LINS1: variants seen among roughly 807,000 people sequenced by gnomAD.
The protein encoded by LINS1 is lines homolog 1.
Under a neutral mutation model 41.6 loss-of-function variants are expected in LINS1, and 27 were observed. The observed-to-expected ratio is 0.65, with a 90% CI of 0.48 to 0.89. The LOEUF is 0.89. LINS1 is among the 40% of genes least tolerant of loss of function. LINS1 has a pLI of 0.00. For missense variants in LINS1, 955 were observed against 884.1 expected (o/e 1.08, Z -1.02); for synonymous variants, 336 against 312.9 (o/e 1.07, Z -0.78).
chr15:100,589,282 C>T (rs1394657779), intron 1 of LINS1, among the ~76,000 whole-genome samples: 1 of 152,158 alleles, frequency 6.6e-6, no homozygotes, highest in East Asian at 1.9e-4. Flanking sequence ...CAGAAATAAC[C>T]AAATTTCCTT....
Position 100,568,427 on chromosome 15 carries a change from G to A in LINS1, c.*811C>T, listed in dbSNP as rs2037631769. ...AGTCCAATGACCGATGTCCTTGTAG[G>A]AGGGAAACTGGACACAGACACAGGA... On this transcript the variant is annotated 3_prime_UTR_variant, in exon 7 of 7. Transcript: ENST00000314742. 6.6e-6 allele frequency: 1 copy of A among 152,242 alleles called. No individual in the cohort carries two copies. Among genetic ancestry groups the A allele is most frequent in the Admixed American group, 6.5e-5 (1 of 15,272 alleles). 9.4% of individuals were successfully genotyped at this position (152,242 alleles called of 1,614,324 possible).
chr15:100,585,127 G>A (rs1033642593), intron 1 of LINS1, among the ~76,000 whole-genome samples: 1 of 152,214 alleles, frequency 6.6e-6, no homozygotes, highest in African/African-American at 2.4e-5. Context: ...CTCACAGTAA[G>A]CCATCGCCTC....
chr15:100,591,719 A>G (rs1302231266), intron 1 of LINS1, among the ~76,000 whole-genome samples: 3 of 152,178 alleles, frequency 2.0e-5, no homozygotes, highest in Non-Finnish European at 4.4e-5. Context: ...GAAACCATCA[A>G]GCTTCAGATG....
chr15:100,590,237 A>T (rs749889968), intron 1 of LINS1, among the ~76,000 whole-genome samples: 2 of 152,238 alleles, frequency 1.3e-5, no homozygotes, highest in Non-Finnish European at 2.9e-5. Context: ...AGAACAATAG[A>T]AATGAAAAGG....
In LINS1 at chr15:100,568,605, T is replaced by A. The variant is rs11637225; in HGVS notation, c.*633A>T. On this transcript the variant is annotated 3_prime_UTR_variant, in exon 7 of 7. Transcript: ENST00000314742. Reference sequence around the variant, plus strand: ...CCTGCTGAAGCCTGAGTTTGGATTCTGGCCTCCAAAACTATGAGGATAATT... The same window carrying A: ...CCTGCTGAAGCCTGAGTTTGGATTCAGGCCTCCAAAACTATGAGGATAATT... 2.0e-5 allele frequency: 3 copies of A among 152,202 alleles called. No homozygotes were observed. Among genetic ancestry groups the A allele is most frequent in the African/African-American group, 2.4e-5 (1 of 41,394 alleles). 9.4% of individuals were successfully genotyped at this position (152,202 alleles called of 1,614,324 possible). A position where few individuals can be genotyped will look rare whatever the true frequency, so the allele number is the denominator to read the frequency against.
At position 100,567,241 on chromosome 15, in the gene LINS1, A is replaced by G. The variant is rs1490636346; in HGVS notation, c.*1997T>C. ...ATAGTAAGTATGCGTGTATCTAAAC[A>G]TGCCTAAACATAGGACAGTCACAGT... is the stretch of plus-strand genomic sequence containing the variant. On this transcript the variant is annotated 3_prime_UTR_variant, in exon 7 of 7. Transcript: ENST00000314742. 1 of 152,214 alleles carries G rather than the reference A, an allele frequency of 6.6e-6. No individual in the cohort carries two copies. Among genetic ancestry groups the G allele is most frequent in the Non-Finnish European group, 1.5e-5 (1 of 68,040 alleles). 9.4% of individuals were successfully genotyped at this position (152,214 alleles called of 1,614,324 possible). A position where few individuals can be genotyped will look rare whatever the true frequency, so the allele number is the denominator to read the frequency against.
At chr15:100,591,921 T>G (rs550921009) in intron 1 of LINS1, among the ~76,000 whole-genome samples, 1 of 152,158 alleles carries the variant, frequency 6.6e-6, no homozygotes, top group African/African-American at 2.4e-5. Flanking sequence ...ATCACATCTT[T>G]CTGGGGGGAA....
Position 100,587,180 on chromosome 15 carries a change from AAAC to A in LINS1, c.-103-6238_-103-6236del, listed in dbSNP as rs1171097525. Among the ~76,000 whole-genome samples, 309 of 150,232 alleles carry A rather than the reference AAAC, an allele frequency of 2.1e-3. 1 individual carries two copies. Among genetic ancestry groups the A allele is most frequent in the African/African-American group, 6.8e-3 (278 of 40,720 alleles). ...CTTAAAAAAAAAAAAAAAAAAAAAAAAACATTAGCAGTTTGGCAATTCTTTAAT... is the reference window on the plus strand; with the variant it reads ...CTTAAAAAAAAAAAAAAAAAAAAAAAATTAGCAGTTTGGCAATTCTTTAAT... On this transcript the variant is annotated intron_variant, in intron 1 of 6. Coordinates refer to ENST00000314742, the MANE Select transcript of LINS1 (RefSeq NM_001040616.3).
rs56225071 is a variant in LINS1 at position 100,569,122 on chromosome 15, CAAAAAAAAA to C, written c.*107_*115del. On this transcript the variant is annotated 3_prime_UTR_variant, in exon 7 of 7. Coordinates refer to ENST00000314742, the MANE Select transcript of LINS1 (RefSeq NM_001040616.3). Reference sequence around the variant, plus strand: ...TGAGCGACAGAATGAGATTCTGTCTCAAAAAAAAAAAAAAAAAAGAAAACCCTTTTATGG... The same window carrying C: ...TGAGCGACAGAATGAGATTCTGTCTCAAAAAAAAAGAAAACCCTTTTATGG... The C allele has an allele frequency of 1.3e-4, 62 of 477,422 alleles. No individual in the cohort carries two copies. In the African/African-American group the frequency reaches 1.3e-3, roughly 10 times the overall value. The allele number at this position is 477,422 out of a possible 1,614,324, so 29.6% of individuals were successfully genotyped here.
At position 100,574,972 on chromosome 15, in the gene LINS1, C is replaced by T; in HGVS notation, c.631+15G>A. 1 of 1,610,712 alleles carries T rather than the reference C, an allele frequency of 6.2e-7. No individual in the cohort carries two copies. Among genetic ancestry groups the T allele is most frequent in the Non-Finnish European group, 8.5e-7 (1 of 1,178,538 alleles). On this transcript the variant is annotated intron_variant, in intron 4 of 6. Coordinates refer to ENST00000314742, the MANE Select transcript of LINS1 (RefSeq NM_001040616.3). Reference sequence around the variant, plus strand: ...AGCAAGATGATGATTGTTTATGGGGCCATGTAATCCATACCTGTTTTCTGT... The same window carrying T: ...AGCAAGATGATGATTGTTTATGGGGTCATGTAATCCATACCTGTTTTCTGT...
chr15:100,579,732 T>C (rs889767228), intron 3 of LINS1, among the ~76,000 whole-genome samples: 1 of 152,214 alleles, frequency 6.6e-6, no homozygotes, highest in African/African-American at 2.4e-5. Flanking sequence ...TGTTTTATAT[T>C]ATGCTGAGGA....
Position 100,569,223 on chromosome 15 carries a change from T to C in LINS1, c.*15A>G, listed in dbSNP as rs2037663024. ...TTAAGGAAAAACAATACCTGGAAAATAAAATGTCAATGTTTTACAAAGTGT... is the reference window on the plus strand; with the variant it reads ...TTAAGGAAAAACAATACCTGGAAAACAAAATGTCAATGTTTTACAAAGTGT... On this transcript the variant is annotated 3_prime_UTR_variant, in exon 7 of 7. Transcript: ENST00000314742. The C allele has an allele frequency of 2.0e-6, 3 of 1,527,432 alleles. No homozygotes were observed. Among genetic ancestry groups the C allele is most frequent in the Non-Finnish European group, 2.7e-6 (3 of 1,104,590 alleles). The allele number at this position is 1,527,432 out of a possible 1,614,324, so 94.6% of individuals were successfully genotyped here.
At chr15:100,575,729 C>A (rs1159706738) in intron 3 of LINS1, among the ~76,000 whole-genome samples, 1 of 152,214 alleles carries the variant, frequency 6.6e-6, no homozygotes, top group Non-Finnish European at 1.5e-5. Context: ...ACATTCTTCT[C>A]AGCACCACAC....
Position 100,586,082 on chromosome 15 carries a change from T to C in LINS1, c.-103-5137A>G, listed in dbSNP as rs537694205. ...ACTAAGCTCAAGGGAAAATTCAAGC[T>C]GGGAACTGCTTAGGGCAAATCTGTG... On this transcript the variant is annotated intron_variant, in intron 1 of 6. Coordinates refer to ENST00000314742, the MANE Select transcript of LINS1 (RefSeq NM_001040616.3). 3 of 152,362 alleles carry C rather than the reference T, an allele frequency of 2.0e-5. No individual in the cohort carries two copies. The East Asian group carries it at 5.8e-4, about 29-fold the overall frequency. The allele number at this position is 152,362 out of a possible 1,614,324, so 9.4% of individuals were successfully genotyped here.
chr15:100,581,356 A>T (rs1166155160), intron 1 of LINS1, among the ~76,000 whole-genome samples: 1 of 152,232 alleles, frequency 6.6e-6, no homozygotes, highest in Non-Finnish European at 1.5e-5. Context: ...CTGACCTGCC[A>T]GATTTTGACA....
intron 1 of LINS1, among the ~76,000 whole-genome samples, chr15:100,587,177 A>C (rs1349747249): frequency 2.7e-5 from 4 of 150,462 alleles, no homozygotes; most frequent in Non-Finnish European, 5.9e-5. Flanking sequence ...AAAAAAAAAA[A>C]AAAAACATTA....
intron 1 of LINS1, among the ~76,000 whole-genome samples, chr15:100,599,954 T>C (rs904860490): frequency 6.6e-6 from 1 of 152,160 alleles, no homozygotes; most frequent in Non-Finnish European, 1.5e-5. Flanking sequence ...TAGTCCCAGG[T>C]ACTCAGGAGG....
chr15:100,573,332 T>A, intron 5 of LINS1: 1 of 1,122,900 alleles, frequency 8.9e-7, no homozygotes, highest in Non-Finnish European at 1.1e-6. Flanking sequence ...AAAAAAGGAT[T>A]AATATAAATA....
At position 100,570,066 on chromosome 15, in the gene LINS1, A is replaced by T. The variant is rs376509023; in HGVS notation, c.1446T>A (p.His482Gln). The change falls in exon 7 of 7, where the codon CAT becomes CAA. Residue 482 changes from histidine to glutamine, a missense_variant. Transcript: ENST00000314742. The part of the protein sequence containing the change: ...SLTQGKEMWD[H>Q]HTHENGYNPH... ...GATTATAGCCATTTTCATGTGTGTGATGGTCCCACATTTCTTTTCCCTGAG... is the reference window on the plus strand; with the variant it reads ...GATTATAGCCATTTTCATGTGTGTGTTGGTCCCACATTTCTTTTCCCTGAG... 5 of 1,576,336 alleles carry T rather than the reference A, an allele frequency of 3.2e-6. No homozygotes were observed. The highest frequency in any genetic ancestry group is 4.3e-6 in the Non-Finnish European group (5 of 1,170,090).
Sources: gnomAD v4.1 joint callset for allele counts (sites outside exome capture counted in the v4.1 genomes callset) on GRCh38, gnomAD v4.1.1 for gene constraint, MANE v1.5 for transcripts, NCBI Gene and HGNC (gene_info 2026-07-23, HGNC 2026-07-21) for gene names.